Variants in CDHR3 observed in about 807,000 individuals in gnomAD.
CDHR3 encodes the protein cadherin-related family member 3.
A neutral mutation model predicts 86.6 loss-of-function variants in CDHR3; 79 were observed. The observed-to-expected ratio is 0.91, with a 90% CI of 0.76 to 1.10. The LOEUF is 1.10. Among genes scored for constraint, CDHR3 ranks in the 50% least tolerant of loss-of-function variants. The pLI, the probability that CDHR3 is intolerant of heterozygous loss-of-function variation, is 0.00. For synonymous variants in CDHR3, 421 were observed against 402.4 expected (o/e 1.05, Z -0.55); for missense variants, 1,081 against 1,077.6 (o/e 1.00, Z -0.04).
rs181442619 is a variant in CDHR3, at chr7:106,029,433, G to A, written c.2304+851G>A. The stretch of plus-strand genomic sequence containing the variant: ...TTTAGGTTCCTCACCTGTAAAATGG[G>A]GGTGAGGATATCTGCCCTGAGATAA... On this transcript the variant is annotated intron_variant, in intron 17 of 18. Coordinates refer to ENST00000317716, the MANE Select transcript of CDHR3 (RefSeq NM_152750.5). 2.7e-3 allele frequency among the ~76,000 whole-genome samples: 412 copies of A among 152,274 alleles called. 2 individuals are homozygous for A. The highest frequency in any genetic ancestry group is 8.9e-3 in the African/African-American group (370 of 41,552).
At chr7:105,972,992 A>G (rs1167580753) in intron 1 of CDHR3, among the ~76,000 whole-genome samples, 1 of 152,130 alleles carries the variant, frequency 6.6e-6, no homozygotes, top group Non-Finnish European at 1.5e-5. Context: ...CCCCGCACCA[A>G]CTGAAATAAA....
chr7:106,025,733 A>G (rs1837252710), intron 15 of CDHR3, among the ~76,000 whole-genome samples: 1 of 152,248 alleles, frequency 6.6e-6, no homozygotes. Context: ...ATTAGAATAA[A>G]GATGTGCGTT....
chr7:106,010,570 T>C (rs968935632), intron 8 of CDHR3, among the ~76,000 whole-genome samples: 5 of 152,212 alleles, frequency 3.3e-5, no homozygotes, highest in Non-Finnish European at 7.3e-5. Flanking sequence ...AAACCTGTTA[T>C]CCTCAGTGGC....
intron 9 of CDHR3, among the ~76,000 whole-genome samples, 159 bp from the exon 10 acceptor site, chr7:106,014,952 G>C (rs1463622727): frequency 1.3e-5 from 2 of 152,126 alleles, no homozygotes; most frequent in Admixed American, 1.3e-4. Flanking sequence ...CAAAGGTATG[G>C]TCATAACTTT....
intron 17 of CDHR3, 135 bp downstream of exon 17, chr7:106,028,717 A>T (rs773024599): frequency 4.6e-6 from 4 of 867,504 alleles, no homozygotes; most frequent in Non-Finnish European, 7.2e-6. Flanking sequence ...GGCTACTGGA[A>T]CAGATTGCTG....
At chr7:105,989,370 T>C (rs1018409714) in intron 4 of CDHR3, among the ~76,000 whole-genome samples, 24 of 151,768 alleles carry the variant, frequency 1.6e-4, no homozygotes, top group Non-Finnish European at 2.9e-5. Flanking sequence ...TTAATCAATC[T>C]CTCAGCTGGA....
chr7:105,993,238 A>G (rs1459322038), intron 4 of CDHR3, among the ~76,000 whole-genome samples: 1 of 152,228 alleles, frequency 6.6e-6, no homozygotes, highest in Non-Finnish European at 1.5e-5. Flanking sequence ...TAAACATGTG[A>G]GTCTCTAGCG....
intron 18 of CDHR3, among the ~76,000 whole-genome samples, chr7:106,031,296 C>A (rs1440269398): frequency 6.6e-6 from 1 of 152,054 alleles, no homozygotes; most frequent in Non-Finnish European, 1.5e-5. Context: ...TTTCTTTTTT[C>A]CCTAGATCAG....
chr7:106,022,659 C>G (rs530290072), intron 14 of CDHR3, among the ~76,000 whole-genome samples: 1 of 152,330 alleles, frequency 6.6e-6, no homozygotes, highest in South Asian at 2.1e-4. Context: ...AACTCAACCA[C>G]TAACATTTCC....
rs1421965768 is a variant in CDHR3, at chr7:106,001,606, T to A, written c.858T>A (p.Asn286Lys). 1 of 1,613,844 alleles carries A rather than the reference T, an allele frequency of 6.2e-7. No homozygotes were observed. The highest frequency in any genetic ancestry group is 1.3e-5 in the African/African-American group (1 of 74,922). The change falls in exon 7 of 19, where the codon AAT becomes AAA. Residue 286 changes from asparagine (N) to lysine (K), a missense_variant. By Grantham distance (94) the Asn-to-Lys change is moderately conservative (BLOSUM62 0). Transcript: ENST00000317716. ...ITTVSKYFMI[N>K]QLTGTIQVAQ... ...CTGTTAGCAAATATTTCATGATAAATCAGTGTAAGCCACTCACTTCCATCC... is the reference window on the plus strand; with the variant it reads ...CTGTTAGCAAATATTTCATGATAAAACAGTGTAAGCCACTCACTTCCATCC...
At chr7:106,024,318 G>A in intron 14 of CDHR3, 63 bp from the exon 15 acceptor site, 1 of 1,398,940 alleles carries the variant, frequency 7.1e-7, no homozygotes, top group South Asian at 1.2e-5. Context: ...CAACACGAGA[G>A]AGTGCTGAAT....
intron 1 of CDHR3, among the ~76,000 whole-genome samples, chr7:105,969,545 T>C (rs1827607577): frequency 6.6e-6 from 1 of 152,186 alleles, no homozygotes; most frequent in Admixed American, 6.5e-5. Flanking sequence ...CTTCTGTGGG[T>C]TCTGCCGTTG....
intron 1 of CDHR3, among the ~76,000 whole-genome samples, chr7:105,964,627 G>A (rs1826584396): frequency 6.6e-6 from 1 of 151,748 alleles, no homozygotes; most frequent in Non-Finnish European, 1.5e-5. Flanking sequence ...GAATATTACA[G>A]TATTTATTTC....
At chr7:105,994,893 A>G (rs1234430412) in intron 5 of CDHR3, 48 bp downstream of exon 5, 2 of 1,462,772 alleles carry the variant, frequency 1.4e-6, no homozygotes, top group East Asian at 2.4e-5. Flanking sequence ...TCTGAGGGTC[A>G]AGGAAAACAT....
At chr7:106,015,743 T>G in intron 10 of CDHR3, 184 bp from the exon 11 acceptor site, 2 of 644,316 alleles carry the variant, frequency 3.1e-6, no homozygotes, top group South Asian at 3.3e-5. Context: ...TAGTGCTCTG[T>G]GTGCTCATGC....
intron 1 of CDHR3, among the ~76,000 whole-genome samples, chr7:105,969,710 C>T (rs1217492365): frequency 6.6e-6 from 1 of 152,228 alleles, no homozygotes; most frequent in African/African-American, 2.4e-5. Context: ...CAGTAAGAGC[C>T]TAGCCTGCAC....
rs2115938882 is a variant in CDHR3, at chr7:106,032,487, C to T, written c.2448C>T (p.His816=). Residue 816 remains histidine (H), a synonymous_variant, in exon 19 of 19, where the codon CAC becomes CAT. Coordinates refer to ENST00000317716, the MANE Select transcript of CDHR3 (RefSeq NM_152750.5). ...TQMPKWKESS[H]QGAAPRRVTA... Reference sequence around the variant, plus strand: ...TGCCAAAATGGAAAGAGTCCAGCCACCAGGGAGCTGCCCCACGCAGAGTCA... The same window carrying T: ...TGCCAAAATGGAAAGAGTCCAGCCATCAGGGAGCTGCCCCACGCAGAGTCA... 1 of 1,613,932 alleles carries T rather than the reference C, an allele frequency of 6.2e-7. No homozygotes were observed. The highest frequency in any genetic ancestry group is 2.2e-5 in the East Asian group (1 of 44,886).
intron 1 of CDHR3, among the ~76,000 whole-genome samples, chr7:105,972,848 C>T (rs1428314015): frequency 1.3e-5 from 2 of 152,134 alleles, no homozygotes; most frequent in South Asian, 2.1e-4. Flanking sequence ...CTGCGAGCGA[C>T]AATAACTTAT....
chr7:105,983,594 G>A (rs1006831658), intron 3 of CDHR3, among the ~76,000 whole-genome samples: 1 of 152,048 alleles, frequency 6.6e-6, no homozygotes, highest in Non-Finnish European at 1.5e-5. Context: ...GTGGCCCCTT[G>A]GTCAGTGCTG....
Sources: allele counts gnomAD v4.1 joint callset (sites outside exome capture counted in the v4.1 genomes callset), GRCh38; gene constraint gnomAD v4.1.1; transcripts MANE v1.5; gene names NCBI Gene and HGNC (gene_info 2026-07-23, HGNC 2026-07-21).